The following FGFRL1 variants were observed in gnomAD, a reference collection of about 807,000 sequenced individuals.
FGFRL1 encodes fibroblast growth factor receptor like 1, also known as fibroblast growth factor receptor-like 1.
A neutral mutation model predicts 36.8 loss-of-function variants in FGFRL1; 24 were observed. That is an observed-to-expected ratio of 0.65 (90% CI 0.47 to 0.92). FGFRL1 has a LOEUF of 0.92. Ranked by LOEUF, FGFRL1 falls within the 40% of genes least tolerant of loss-of-function variation. The pLI, the probability that FGFRL1 is intolerant of heterozygous loss-of-function variation, is 0.00. For synonymous variants in FGFRL1, 422 were observed against 344.1 expected, an observed-to-expected ratio of 1.23 and a Z score of -2.50; for missense variants, 785 against 753.4, an observed-to-expected ratio of 1.04 and a Z score of -0.49.
rs1716312681 is a variant in FGFRL1, at chr4:1,023,567, G to A, written c.353-74G>A. The A allele has an allele frequency of 2.9e-6, 4 of 1,399,596 alleles. No individual in the cohort carries two copies. The African/African-American group carries it at 5.7e-5, about 20-fold the overall frequency. The allele number at this position is 1,399,596 out of a possible 1,614,324, so 86.7% of individuals were successfully genotyped here. ...CCGGCTGGGGCTGGGGGAGCTAGAG[G>A]CCACGGGGGAGTTGGGGGAGCTCCT... On this transcript the variant is annotated intron_variant, in intron 3 of 6. Coordinates refer to ENST00000510644, the MANE Select transcript of FGFRL1 (RefSeq NM_001004356.3). This position sits in a 1 kb window ranked among gnomAD's most constrained non-coding sequence, Gnocchi z 6.0.
chr4:1,025,174 G>T lies in FGFRL1; in HGVS notation c.1342G>T (p.Glu448Ter), dbSNP rs2153027492. The change falls in exon 7 of 7, where the codon GAG (glutamate) becomes TAG (stop). Residue 448 changes from glutamate (E) to a stop codon, truncating the protein, a stop_gained. Coordinates refer to ENST00000510644, the MANE Select transcript of FGFRL1 (RefSeq NM_001004356.3). LOFTEE classifies it high-confidence loss of function. ...CGCTGGCCCTGGTGTGGGGCTGTGTGAGGAGCATGGGTCTCCGGCAGCCCC... is the reference window on the plus strand; with the variant it reads ...CGCTGGCCCTGGTGTGGGGCTGTGTTAGGAGCATGGGTCTCCGGCAGCCCC... ...LSAGPGVGLC[E>*]EHGSPAAPQH... 6.2e-7 allele frequency: 1 copy of T among 1,610,436 alleles called. No homozygotes were observed. The highest frequency in any genetic ancestry group is 8.5e-7 in the Non-Finnish European group (1 of 1,178,996).
In FGFRL1 at chr4:1,025,884, T is replaced by TACAC. The variant is rs1560567277; in HGVS notation, c.*537_*538insACAC. 17 of 172,478 alleles carry TACAC rather than the reference T, an allele frequency of 9.9e-5. No individual in the cohort carries two copies. The highest frequency in any genetic ancestry group is 5.4e-4 in the East Asian group (3 of 5,600). The allele number at this position is 172,478 out of a possible 1,614,324, so 10.7% of individuals were successfully genotyped here. ...TTGCCTGGACACACACACACACACG[T>TACAC]GTGCACAGATATGCTGTCTGGACAC... On this transcript the variant is annotated 3_prime_UTR_variant, in exon 7 of 7. Transcript: ENST00000510644.
At chr4:1,012,588 C>A in intron 2 of FGFRL1, 24 bp downstream of exon 2, 2 of 1,154,906 alleles carry the variant, frequency 1.7e-6, no homozygotes, top group Non-Finnish European at 1.2e-6. Flanking sequence ...CCCAGCCCGG[C>A]CAGCCTGGCC....
In FGFRL1 at chr4:1,022,365, C is replaced by T. The variant is rs776843445; in HGVS notation, c.242C>T (p.Pro81Leu). ...HSGWSRFRVLPQGLKVKQVER... is the reference protein window; with the variant it reads ...HSGWSRFRVLLQGLKVKQVER... ...GGCTGGAGCCGCTTCCGCGTGCTGC[C>T]GCAGGGGCTGAAGGTGAAGCAGGTG... The change falls in exon 3 of 7, where the codon CCG becomes CTG. Residue 81 changes from proline (P) to leucine (L), a missense_variant. By Grantham distance (98) the Pro-to-Leu change is moderately conservative (BLOSUM62 -3). Transcript: ENST00000510644. The T allele has an allele frequency of 6.3e-5, 102 of 1,609,646 alleles. No individual in the cohort carries two copies. The highest frequency in any genetic ancestry group is 3.4e-4 in the East Asian group (15 of 44,774).
chr4:1,025,614 G>A lies in FGFRL1; in HGVS notation c.*267G>A. The A allele has an allele frequency of 1.8e-6, 1 of 557,278 alleles. No homozygotes were observed. 34.5% of individuals were successfully genotyped at this position (557,278 alleles called of 1,614,324 possible). The stretch of plus-strand genomic sequence containing the variant: ...ACGCACATGCACAGATATGCCGCCT[G>A]GGCACACAGATAAGCTGCCCAAATG... On this transcript the variant is annotated 3_prime_UTR_variant, in exon 7 of 7. Coordinates refer to ENST00000510644, the MANE Select transcript of FGFRL1 (RefSeq NM_001004356.3).
At chr4:1,014,230 T>C (rs1460035352) in intron 2 of FGFRL1, among the ~76,000 whole-genome samples, 2 of 152,174 alleles carry the variant, frequency 1.3e-5, no homozygotes, top group East Asian at 3.8e-4. Flanking sequence ...AAGTTCCTCT[T>C]TTCCCAAACT....
At position 1,023,597 on chromosome 4, in the gene FGFRL1, GC is replaced by G. The variant is rs1716314355; in HGVS notation, c.353-38del. On this transcript the variant is annotated intron_variant, in intron 3 of 6. Coordinates refer to ENST00000510644, the MANE Select transcript of FGFRL1 (RefSeq NM_001004356.3). The surrounding 1 kb of genome is among the most constrained non-coding windows in gnomAD (Gnocchi z 6.0). Reference sequence around the variant, plus strand: ...GGGGGAGTTGGGGGAGCTCCTCAGGGCCCCCCTCACCTGCCCTCCCTGTGCA... The same window carrying G: ...GGGGGAGTTGGGGGAGCTCCTCAGGGCCCCCTCACCTGCCCTCCCTGTGCA... The G allele has an allele frequency of 2.0e-6, 3 of 1,537,572 alleles. No homozygotes were observed. The highest frequency in any genetic ancestry group is 8.8e-7 in the Non-Finnish European group (1 of 1,134,932).
intron 2 of FGFRL1, among the ~76,000 whole-genome samples, chr4:1,018,571 A>C (rs1277356497): frequency 6.6e-6 from 1 of 151,792 alleles, no homozygotes; most frequent in East Asian, 1.9e-4. Flanking sequence ...CTGGAGGAGG[A>C]GGCTGGGGGG....
At chr4:1,019,021 G>A (rs1716038080) in intron 2 of FGFRL1, among the ~76,000 whole-genome samples, 2 of 152,206 alleles carry the variant, frequency 1.3e-5, no homozygotes, top group South Asian at 2.1e-4. Context: ...CCACGCTTCC[G>A]GCCATCCAGC....
upstream of FGFRL1, among the ~76,000 whole-genome samples, chr4:1,010,562 C>G (rs1448076157): frequency 6.6e-6 from 1 of 152,214 alleles, no homozygotes; most frequent in East Asian, 1.9e-4. Flanking sequence ...GAGGGGGCTT[C>G]AGGCCCCAGA....
At chr4:1,015,448 T>A (rs1365970282) in intron 2 of FGFRL1, among the ~76,000 whole-genome samples, 2 of 152,146 alleles carry the variant, frequency 1.3e-5, no homozygotes, top group East Asian at 3.9e-4. Flanking sequence ...AGAGCCATGA[T>A]CCAGGATGGC....
chr4:1,020,468 C>T (rs985155650), intron 2 of FGFRL1, among the ~76,000 whole-genome samples: 12 of 151,708 alleles, frequency 7.9e-5, no homozygotes, highest in African/African-American at 2.2e-4. Flanking sequence ...ACAGGCCCTG[C>T]GGTGCCCCGA....
chr4:1,022,173 T>A lies in FGFRL1; in HGVS notation c.80-30T>A, dbSNP rs1202816557. ...CCGGCTCCGGACCCCAAGCCCCTCC[T>A]CGCTGACTGTTCCTCGGTCCCACCC... On this transcript the variant is annotated intron_variant, in intron 2 of 6. Transcript: ENST00000510644. The A allele has an allele frequency of 2.0e-6, 3 of 1,486,036 alleles. No individual in the cohort carries two copies. The Admixed American group carries it at 6.8e-5, about 34-fold the overall frequency. The allele number at this position is 1,486,036 out of a possible 1,614,324, so 92.1% of individuals were successfully genotyped here. A position where few individuals can be genotyped will look rare whatever the true frequency, so the allele number is the denominator to read the frequency against.
intron 2 of FGFRL1, among the ~76,000 whole-genome samples, chr4:1,013,143 C>G (rs1715696653): frequency 6.6e-6 from 1 of 152,234 alleles, no homozygotes; most frequent in Non-Finnish European, 1.5e-5. Flanking sequence ...TGACGCACCC[C>G]AGGACTGCGT....
At chr4:1,019,798 G>T (rs1268922626) in intron 2 of FGFRL1, among the ~76,000 whole-genome samples, 1 of 152,238 alleles carries the variant, frequency 6.6e-6, no homozygotes, top group Non-Finnish European at 1.5e-5. Flanking sequence ...AGGGAGAGAC[G>T]TGAGTCAGAG....
intron 6 of FGFRL1, 87 bp from the exon 7 acceptor site, chr4:1,024,818 C>G: frequency 7.0e-7 from 1 of 1,432,412 alleles, no homozygotes; most frequent in Admixed American, 2.2e-5. Context: ...GGCACCGTCT[C>G]CACAGCCCCT....
rs777973033 is a variant in FGFRL1 at position 1,025,382 on chromosome 4, G to T, written c.*35G>T. On this transcript the variant is annotated 3_prime_UTR_variant, in exon 7 of 7. Coordinates refer to ENST00000510644, the MANE Select transcript of FGFRL1 (RefSeq NM_001004356.3). ...TATCTGCAGTGGGCACGGGGGGGCC[G>T]GCCAGACAGGCAGACTGGGAGGATG... The T allele has an allele frequency of 2.0e-6, 3 of 1,510,682 alleles. No homozygotes were observed. Among genetic ancestry groups the T allele is most frequent in the South Asian group, 1.3e-5 (1 of 78,162 alleles). The allele number at this position is 1,510,682 out of a possible 1,614,324, so 93.6% of individuals were successfully genotyped here. A position where few individuals can be genotyped will look rare whatever the true frequency, so the allele number is the denominator to read the frequency against.
intron 1 of FGFRL1, chr4:1,012,206 CGGGCA>C: frequency 2.6e-6 from 1 of 388,360 alleles, no homozygotes; most frequent in Non-Finnish European, 4.6e-6. Context: ...GTGTGTCCTG[CGGGCA>C]GGGCCGGAGT....
intron 2 of FGFRL1, among the ~76,000 whole-genome samples, chr4:1,014,283 TC>T (rs1715767972): frequency 6.6e-6 from 1 of 152,148 alleles, no homozygotes; most frequent in African/African-American, 2.4e-5. Context: ...TTTTTTTTTT[TC>T]CAATTTGAAA....
Sources: gnomAD v4.1 joint callset for allele counts (sites outside exome capture counted in the v4.1 genomes callset) on GRCh38, gnomAD v4.1.1 for gene constraint, Gnocchi (gnomAD v3.1) non-coding constraint, MANE v1.5 for transcripts, NCBI Gene and HGNC (gene_info 2026-07-23, HGNC 2026-07-21) for gene names.